Variants in ZMYND11 observed in about 807,000 individuals in gnomAD.
ZMYND11 encodes the protein zinc finger MYND-type containing 11.
A neutral mutation model predicts 84.9 loss-of-function variants in ZMYND11; 9 were observed. The ratio of observed to expected loss-of-function variants is 0.11; its 90% CI spans 0.06 to 0.18. The LOEUF is 0.18. Ranked by LOEUF, ZMYND11 falls within the 10% of genes least tolerant of loss-of-function variation. The pLI is 1.00. For missense variants in ZMYND11, 409 were observed against 761.0 expected (o/e 0.54, Z 5.44); for synonymous variants, 250 against 244.1 (o/e 1.02, Z -0.23).
At chr10:198,613 T>C (rs1324680218) in intron 2 of ZMYND11, among the ~76,000 whole-genome samples, 1 of 152,222 alleles carries the variant, frequency 6.6e-6, no homozygotes, top group Non-Finnish European at 1.5e-5. Context: ...ATTTCACCTC[T>C]CGTTGGCATT....
chr10:187,493 G>A (rs1419809756), intron 2 of ZMYND11, among the ~76,000 whole-genome samples: 2 of 152,130 alleles, frequency 1.3e-5, no homozygotes, highest in Non-Finnish European at 2.9e-5. Context: ...AATTAGCCGG[G>A]CGCGGTGGCG....
chr10:151,846 A>C (rs1379970908), intron 1 of ZMYND11, among the ~76,000 whole-genome samples: 1 of 152,244 alleles, frequency 6.6e-6, no homozygotes, highest in Admixed American at 6.5e-5. Context: ...AGGGAAGCCC[A>C]TCAGACTAAC....
intron 4 of ZMYND11, among the ~76,000 whole-genome samples, chr10:235,543 C>T (rs1165743499): frequency 6.6e-6 from 1 of 152,276 alleles, no homozygotes; most frequent in South Asian, 2.1e-4. Context: ...AATGAACAAG[C>T]AAATACGAAT....
intron 14 of ZMYND11, chr10:249,623 C>T (rs1174460462): frequency 9.1e-6 from 9 of 985,286 alleles, no homozygotes; most frequent in East Asian, 1.1e-4. Context: ...GTGTCCTGCT[C>T]GCCAGTCTCA....
chr10:210,726 T>C (rs1174124513), intron 3 of ZMYND11, among the ~76,000 whole-genome samples: 1 of 152,252 alleles, frequency 6.6e-6, no homozygotes, highest in Admixed American at 6.5e-5. Context: ...CATATCGAAG[T>C]ACATTTTTTT....
chr10:141,992 A>G (rs1837605735), intron 1 of ZMYND11, among the ~76,000 whole-genome samples: 2 of 152,226 alleles, frequency 1.3e-5, no homozygotes, highest in South Asian at 2.1e-4. Context: ...TCTGATTTGT[A>G]TACATTTTAA....
Position 239,488 on chromosome 10 carries a change from C to A in ZMYND11, c.660C>A (p.Ala220=). The A allele has an allele frequency of 1.2e-6, 2 of 1,613,084 alleles. No individual in the cohort carries two copies. Among genetic ancestry groups the A allele is most frequent in the East Asian group, 4.5e-5 (2 of 44,844 alleles). Reference sequence around the variant, plus strand: ...GTTATGAAGAGTTCAAAGCTGATGCCCAATTGCTTCTCCACAATACCGTGA... The same window carrying A: ...GTTATGAAGAGTTCAAAGCTGATGCACAATTGCTTCTCCACAATACCGTGA... ...YRSYEEFKAD[A]QLLLHNTVIF... is the part of the protein sequence containing the mutation. The change falls in exon 7 of 15, where the codon GCC becomes GCA. Residue 220 remains alanine (A), a synonymous_variant. Coordinates refer to ENST00000381604, the MANE Select transcript of ZMYND11 (RefSeq NM_001370100.5).
At position 227,966 on chromosome 10, in the gene ZMYND11, ATT is replaced by A. The variant is rs575767315; in HGVS notation, c.438+6614_438+6615del. On this transcript the variant is annotated intron_variant, in intron 4 of 14. Transcript: ENST00000381604. Reference sequence around the variant, plus strand: ...AACAACTAATGAACATTAATCAAATATTTTTACAATTTTTAAGACAACTTATA... The same window carrying A: ...AACAACTAATGAACATTAATCAAATATTTACAATTTTTAAGACAACTTATA... Among the ~76,000 whole-genome samples, 372 of 152,310 alleles carry A rather than the reference ATT, an allele frequency of 2.4e-3. 3 individuals are homozygous for A. Among genetic ancestry groups the A allele is most frequent in the African/African-American group, 8.6e-3 (359 of 41,578 alleles).
chr10:209,115 C>A (rs1944717964), intron 2 of ZMYND11, among the ~76,000 whole-genome samples: 1 of 151,808 alleles, frequency 6.6e-6, no homozygotes, highest in African/African-American at 2.4e-5. Flanking sequence ...ACAAATCCAA[C>A]TTTATAACAT....
chr10:186,083 C>A (rs1184702350), intron 2 of ZMYND11, among the ~76,000 whole-genome samples: 1 of 151,122 alleles, frequency 6.6e-6, no homozygotes, highest in Admixed American at 6.6e-5. Flanking sequence ...GATCTCGGCT[C>A]ACTGCAAGCT....
upstream of ZMYND11, among the ~76,000 whole-genome samples, chr10:131,367 G>A (rs1331685431): frequency 6.6e-6 from 1 of 152,136 alleles, no homozygotes; most frequent in Non-Finnish European, 1.5e-5. Flanking sequence ...CACAGCTATG[G>A]AGCCCTGAAG....
intron 4 of ZMYND11, among the ~76,000 whole-genome samples, chr10:233,879 C>T (rs1949445672): frequency 6.6e-6 from 1 of 152,228 alleles, no homozygotes; most frequent in South Asian, 2.1e-4. Context: ...CACATGGTGA[C>T]ACCAAATTAG....
intron 1 of ZMYND11, among the ~76,000 whole-genome samples, chr10:153,869 A>G (rs1841014996): frequency 6.6e-6 from 1 of 152,208 alleles, no homozygotes; most frequent in Non-Finnish European, 1.5e-5. Flanking sequence ...AATATTAAAA[A>G]ATTTCTTTTG....
chr10:141,961 T>C (rs1326844342), intron 1 of ZMYND11, among the ~76,000 whole-genome samples: 2 of 152,212 alleles, frequency 1.3e-5, no homozygotes, highest in Non-Finnish European at 1.5e-5. Context: ...TGGGAAGATA[T>C]TTTGGTTTAT....
intron 3 of ZMYND11, among the ~76,000 whole-genome samples, chr10:217,724 G>A (rs181380638): frequency 6.0e-4 from 91 of 152,210 alleles, no homozygotes; most frequent in African/African-American, 1.5e-3. Flanking sequence ...GACTGTCTGC[G>A]TATTGACTCA....
chr10:230,501 A>C (rs1044290387), intron 4 of ZMYND11, among the ~76,000 whole-genome samples: 3 of 128,466 alleles, frequency 2.3e-5, no homozygotes, highest in Non-Finnish European at 5.0e-5. Flanking sequence ...AAAAAAAAAA[A>C]CTACAGCCTC....
chr10:248,739 C>T, intron 13 of ZMYND11, 131 bp downstream of exon 13: 2 of 1,391,450 alleles, frequency 1.4e-6, no homozygotes, highest in Non-Finnish European at 1.9e-6. Context: ...GTATCTTTTA[C>T]AGCATTTCAA....
intron 2 of ZMYND11, among the ~76,000 whole-genome samples, chr10:208,544 GTTT>G (rs543429153): frequency 6.6e-6 from 1 of 152,226 alleles, no homozygotes; most frequent in Non-Finnish European, 1.5e-5. Context: ...ATGAAAAAAT[GTTT>G]TTTGTTTTAA....
At chr10:167,893 T>TA in intron 1 of ZMYND11, among the ~76,000 whole-genome samples, 1 of 152,188 alleles carries the variant, frequency 6.6e-6, no homozygotes, top group East Asian at 1.9e-4. Context: ...TAAATGCATT[T>TA]ATAATGTGCA....
Sources: allele counts gnomAD v4.1 joint callset (sites outside exome capture counted in the v4.1 genomes callset), GRCh38; gene constraint gnomAD v4.1.1; transcripts MANE v1.5; gene names NCBI Gene and HGNC (gene_info 2026-07-23, HGNC 2026-07-21).